FAT3: variants seen among roughly 807,000 people sequenced by gnomAD.
FAT3 encodes FAT atypical cadherin 3, also known as protocadherin Fat 3.
FAT3 carries 95 observed loss-of-function variants against 310.2 expected under a neutral mutation model. That is an observed-to-expected ratio of 0.31 (90% CI 0.26 to 0.36). The LOEUF is 0.36. FAT3 is among the 10% of genes least tolerant of loss of function. The pLI, the probability that FAT3 is intolerant of heterozygous loss-of-function variation, is 1.00. For missense variants in FAT3, 5,408 were observed against 5,715.6 expected, an observed-to-expected ratio of 0.95 and a Z score of 1.74; for synonymous variants, 2,314 against 2,192.9, an observed-to-expected ratio of 1.06 and a Z score of -1.54.
At chr11:92,771,730 T>C (rs1038536855) in intron 6 of FAT3, among the ~76,000 whole-genome samples, 2 of 146,126 alleles carry the variant, frequency 1.4e-5, no homozygotes, top group Non-Finnish European at 3.0e-5. Context: ...TACAAATACA[T>C]ATATGAACAC....
chr11:92,297,562 GA>G (rs1946882564), intron 1 of FAT3, among the ~76,000 whole-genome samples: 1 of 152,054 alleles, frequency 6.6e-6, no homozygotes, highest in African/African-American at 2.4e-5. Flanking sequence ...AGAATATTTT[GA>G]TGCCTTAATC....
chr11:92,417,663 A>G (rs1023809348), intron 2 of FAT3, among the ~76,000 whole-genome samples: 5 of 152,224 alleles, frequency 3.3e-5, no homozygotes, highest in African/African-American at 1.2e-4. Context: ...TGGAAAATAT[A>G]CTGGGCAGAG....
At chr11:92,395,093 T>G (rs963985541) in intron 2 of FAT3, among the ~76,000 whole-genome samples, 3 of 152,176 alleles carry the variant, frequency 2.0e-5, no homozygotes, top group African/African-American at 7.2e-5. Flanking sequence ...AAATAACCAT[T>G]TTCCTGCTTA....
At chr11:92,473,456 C>A (rs1373181413) in intron 2 of FAT3, among the ~76,000 whole-genome samples, 2 of 152,076 alleles carry the variant, frequency 1.3e-5, no homozygotes, top group Non-Finnish European at 2.9e-5. Context: ...TAGTTGATTA[C>A]AATTATTTTG....
At chr11:92,253,300 C>A (rs1423805829) in intron 1 of FAT3, among the ~76,000 whole-genome samples, 1 of 151,822 alleles carries the variant, frequency 6.6e-6, no homozygotes, top group African/African-American at 2.4e-5. Flanking sequence ...TACTCAGAGG[C>A]AGCAAAACAA....
At chr11:92,586,974 A>G (rs1250314177) in intron 3 of FAT3, among the ~76,000 whole-genome samples, 1 of 151,992 alleles carries the variant, frequency 6.6e-6, no homozygotes, top group African/African-American at 2.4e-5. Context: ...TGTGAGAAGC[A>G]TGGCAGAAAT....
At chr11:92,346,284 G>A (rs1338077490) in intron 1 of FAT3, among the ~76,000 whole-genome samples, 1 of 152,168 alleles carries the variant, frequency 6.6e-6, no homozygotes, top group African/African-American at 2.4e-5. Context: ...TCATTGCAAG[G>A]AGAAATCTTG....
intron 1 of FAT3, among the ~76,000 whole-genome samples, chr11:92,254,958 G>A (rs1865258901): frequency 6.6e-6 from 1 of 152,018 alleles, no homozygotes; most frequent in Non-Finnish European, 1.5e-5. Context: ...TGCCTTACTC[G>A]GCCTCCCAAA....
chr11:92,618,788 A>G (rs538408460), intron 3 of FAT3, among the ~76,000 whole-genome samples: 1 of 152,244 alleles, frequency 6.6e-6, no homozygotes, highest in East Asian at 1.9e-4. Flanking sequence ...TGTTATCTAC[A>G]CATGGAAATA....
intron 3 of FAT3, among the ~76,000 whole-genome samples, chr11:92,564,005 C>A (rs1358193605): frequency 1.3e-5 from 2 of 151,680 alleles, no homozygotes; most frequent in Middle Eastern, 3.2e-3. Context: ...CAGCTAACAT[C>A]ATAATGACAA....
chr11:92,888,279 G>A (rs1026732498), intron 25 of FAT3, among the ~76,000 whole-genome samples: 4 of 152,148 alleles, frequency 2.6e-5, no homozygotes, highest in Middle Eastern at 3.2e-3. Flanking sequence ...TCCCAGATCT[G>A]TCTGCCTTGA....
chr11:92,381,721 T>G (rs1949498818), intron 2 of FAT3, among the ~76,000 whole-genome samples: 1 of 152,170 alleles, frequency 6.6e-6, no homozygotes, highest in Non-Finnish European at 1.5e-5. Context: ...CATTTTAAAA[T>G]TTGGGATTTT....
At chr11:92,762,309 C>G (rs1244600408) in intron 5 of FAT3, 139 bp downstream of exon 5, 9 of 809,034 alleles carry the variant, frequency 1.1e-5, no homozygotes, top group Non-Finnish European at 1.5e-5. Context: ...TTCTGGGAGG[C>G]AAGTGCAGGT....
chr11:92,843,385 A>T (rs1565642665), intron 18 of FAT3, among the ~76,000 whole-genome samples: 1 of 152,208 alleles, frequency 6.6e-6, no homozygotes, highest in South Asian at 2.1e-4. Flanking sequence ...ATTCTTACAC[A>T]TGGAAGGAAG....
At chr11:92,243,349 C>T (rs527980977) in intron 1 of FAT3, among the ~76,000 whole-genome samples, 15 of 152,082 alleles carry the variant, frequency 9.9e-5, no homozygotes, top group South Asian at 8.3e-4. Flanking sequence ...TGAATGTGTG[C>T]AGGCGTCGGT....
intron 2 of FAT3, among the ~76,000 whole-genome samples, chr11:92,361,397 A>C (rs1332151166): frequency 1.3e-5 from 2 of 151,684 alleles, no homozygotes; most frequent in Non-Finnish European, 2.9e-5. Flanking sequence ...GTTAGAACCT[A>C]ATAACAAATG....
intron 19 of FAT3, among the ~76,000 whole-genome samples, chr11:92,845,371 C>T (rs547230299): frequency 2.6e-5 from 4 of 152,278 alleles, no homozygotes; most frequent in African/African-American, 9.6e-5. Context: ...TAGAGGAGGC[C>T]AGGCCAGAGG....
At chr11:92,345,449 C>T (rs747504273) in intron 1 of FAT3, among the ~76,000 whole-genome samples, 1 of 152,140 alleles carries the variant, frequency 6.6e-6, no homozygotes, top group Non-Finnish European at 1.5e-5. Flanking sequence ...AGTGGGGTCC[C>T]AGGACCAGAA....
At chr11:92,840,372 A>G (rs1371863815) in intron 17 of FAT3, among the ~76,000 whole-genome samples, 190 bp from the exon 18 acceptor site, 1 of 152,218 alleles carries the variant, frequency 6.6e-6, no homozygotes, top group Non-Finnish European at 1.5e-5. Flanking sequence ...CATGACACTT[A>G]CAGACACCAA....
Sources: gnomAD v4.1 joint callset for allele counts (sites outside exome capture counted in the v4.1 genomes callset) on GRCh38, gnomAD v4.1.1 for gene constraint, MANE v1.5 for transcripts, NCBI Gene and HGNC (gene_info 2026-07-23, HGNC 2026-07-21) for gene names.